The following AP1S3 variants were observed in gnomAD, a reference collection of about 807,000 sequenced individuals.
AP1S3 encodes AP-1 complex subunit sigma-3.
Under a neutral mutation model 20.9 loss-of-function variants are expected in AP1S3, and 10 were observed. The ratio of observed to expected loss-of-function variants is 0.48; its 90% CI spans 0.29 to 0.81. The LOEUF (loss-of-function observed/expected upper bound fraction) is 0.81. AP1S3 is among the 30% of genes least tolerant of loss of function. The probability of loss-of-function intolerance (pLI) is 0.08; values close to 1 mark genes in which losing one functional copy is unlikely to be tolerated. For synonymous variants in AP1S3, 41 were observed against 61.5 expected, an observed-to-expected ratio of 0.67 and a Z score of 1.56; for missense variants, 154 against 183.8, an observed-to-expected ratio of 0.84 and a Z score of 0.94.
intron 1 of AP1S3, among the ~76,000 whole-genome samples, chr2:223,830,068 T>C (rs979149038): frequency 1.3e-5 from 2 of 152,192 alleles, no homozygotes; most frequent in Non-Finnish European, 2.9e-5. Context: ...GAAAGGCAGG[T>C]GGCCTCATGA....
chr2:223,830,726 G>A (rs1162911607), intron 1 of AP1S3, among the ~76,000 whole-genome samples: 1 of 152,128 alleles, frequency 6.6e-6, no homozygotes, highest in African/African-American at 2.4e-5. Flanking sequence ...TCCTGTTAGA[G>A]AAGATCCAAC....
At chr2:223,802,318 T>C (rs976061490) in intron 1 of AP1S3, among the ~76,000 whole-genome samples, 1 of 151,920 alleles carries the variant, frequency 6.6e-6, no homozygotes, top group Non-Finnish European at 1.5e-5. Flanking sequence ...TTTTTTTTTT[T>C]TGGAGACAGA....
At position 223,820,399 on chromosome 2, in the gene AP1S3, G is replaced by A. The variant is rs57231063; in HGVS notation, c.3+17049C>T. 5.4e-3 allele frequency among the ~76,000 whole-genome samples: 823 copies of A among 151,668 alleles called. 8 individuals are homozygous for A. Among genetic ancestry groups the A allele is most frequent in the African/African-American group, 0.018 (729 of 41,394 alleles). On this transcript the variant is annotated intron_variant, in intron 1 of 4. Transcript: ENST00000396654. ...CCAGAATATTTTTTTTCAAAATGTC[G>A]AAGGCAAAGATGAGTTCAAGTTTTT... is the stretch of plus-strand genomic sequence containing the variant.
chr2:223,828,046 C>T (rs568200514), intron 1 of AP1S3, among the ~76,000 whole-genome samples: 2 of 97,398 alleles, frequency 2.1e-5, no homozygotes, highest in Admixed American at 1.2e-4. Flanking sequence ...GGTACAAGAG[C>T]AAGACTTCAT....
At chr2:223,802,340 T>C (rs2106111736) in intron 1 of AP1S3, among the ~76,000 whole-genome samples, 1 of 152,046 alleles carries the variant, frequency 6.6e-6, no homozygotes, top group African/African-American at 2.4e-5. Context: ...TCTCACTGTT[T>C]TGCCCAGGCT....
At chr2:223,813,053 C>A (rs978179560) in intron 1 of AP1S3, among the ~76,000 whole-genome samples, 2 of 151,982 alleles carry the variant, frequency 1.3e-5, no homozygotes, top group African/African-American at 4.8e-5. Flanking sequence ...CTCAGCCTCC[C>A]AAGTAGCTAG....
At chr2:223,816,119 T>G (rs1691838329) in intron 1 of AP1S3, among the ~76,000 whole-genome samples, 1 of 152,022 alleles carries the variant, frequency 6.6e-6, no homozygotes, top group Non-Finnish European at 1.5e-5. Context: ...AAATAGAAAG[T>G]CAAGTTCCTT....
At chr2:223,779,623 T>C (rs147378594) in intron 1 of AP1S3, among the ~76,000 whole-genome samples, 1,894 of 152,162 alleles carry the variant, frequency 0.012, 45 homozygotes, top group African/African-American at 0.043. Context: ...AAATTATATA[T>C]ACCAGGAACA....
intron 1 of AP1S3, among the ~76,000 whole-genome samples, chr2:223,820,632 C>G (rs1691964736): frequency 6.8e-6 from 1 of 146,642 alleles, no homozygotes; most frequent in African/African-American, 2.5e-5. Flanking sequence ...ATTCTATATA[C>G]CTAGGAAATG....
chr2:223,833,885 TA>T (rs1414337157), intron 1 of AP1S3, among the ~76,000 whole-genome samples: 2 of 51,396 alleles, frequency 3.9e-5, no homozygotes, highest in African/African-American at 2.3e-4. Context: ...ACACTCTTTT[TA>T]TTTATTTATT....
At position 223,835,130 on chromosome 2, in the gene AP1S3, T is replaced by C. The variant is rs566377343; in HGVS notation, c.3+2318A>G. Among the ~76,000 whole-genome samples the C allele has an allele frequency of 3.1e-4, 30 of 96,214 alleles. No individual in the cohort carries two copies. In the South Asian group the frequency reaches 8.3e-3, roughly 27 times the overall value. The allele number at this position is 96,214 out of a possible 152,430, so 63.1% of individuals were successfully genotyped here. A position where few individuals can be genotyped will look rare whatever the true frequency, so the allele number is the denominator to read the frequency against. ...TGCTGGGGGTACCCAGGTCACACTT[T>C]CAGAACCTCTGCCTTATGAGTTAGG... On this transcript the variant is annotated intron_variant, in intron 1 of 4. Transcript: ENST00000396654.
At chr2:223,818,973 T>C (rs1026588809) in intron 1 of AP1S3, among the ~76,000 whole-genome samples, 2 of 152,228 alleles carry the variant, frequency 1.3e-5, no homozygotes, top group African/African-American at 4.8e-5. Flanking sequence ...TTGATACTAT[T>C]TTAATTGCCA....
chr2:223,756,450 AAAG>A lies in AP1S3; in HGVS notation c.*2262_*2264del. ...GAAGAAGGAAGGAAGAAAGGAAGGAAAAGAAAGAAAGAAAGAAAAGAAAGAAAG... is the reference window on the plus strand; with the variant it reads ...GAAGAAGGAAGGAAGAAAGGAAGGAAAAAGAAAGAAAGAAAAGAAAGAAAG... On this transcript the variant is annotated 3_prime_UTR_variant, in exon 5 of 5. Coordinates refer to ENST00000396654, the MANE Select transcript of AP1S3 (RefSeq NM_001039569.2). The A allele has an allele frequency of 2.6e-6, 2 of 767,126 alleles. No homozygotes were observed. Among genetic ancestry groups the A allele is most frequent in the Non-Finnish European group, 3.2e-6 (2 of 634,152 alleles). The allele number at this position is 767,126 out of a possible 1,614,324, so 47.5% of individuals were successfully genotyped here. A position where few individuals can be genotyped will look rare whatever the true frequency, so the allele number is the denominator to read the frequency against.
intron 1 of AP1S3, among the ~76,000 whole-genome samples, chr2:223,806,963 A>T (rs1691597407): frequency 6.6e-6 from 1 of 152,110 alleles, no homozygotes; most frequent in African/African-American, 2.4e-5. Context: ...TTAATTAAAG[A>T]TTGCTAGAGA....
intron 1 of AP1S3, among the ~76,000 whole-genome samples, chr2:223,809,716 C>T (rs1218966852): frequency 1.3e-5 from 2 of 150,890 alleles, no homozygotes; most frequent in African/African-American, 4.9e-5. Context: ...TAAAATGCAC[C>T]GTTTCACCTT....
At chr2:223,832,115 T>A (rs1692278082) in intron 1 of AP1S3, among the ~76,000 whole-genome samples, 1 of 147,502 alleles carries the variant, frequency 6.8e-6, no homozygotes, top group Non-Finnish European at 1.5e-5. Flanking sequence ...ATTCTGGGGA[T>A]TATTAAAGGA....
chr2:223,806,145 A>G (rs918995184), intron 1 of AP1S3, among the ~76,000 whole-genome samples: 1 of 152,204 alleles, frequency 6.6e-6, no homozygotes, highest in Admixed American at 6.5e-5. Context: ...GTTCCAGTGC[A>G]GTAGATGACC....
chr2:223,756,449 AAAAGAAAG>A lies in AP1S3; in HGVS notation c.*2258_*2265del, dbSNP rs778670861. On this transcript the variant is annotated 3_prime_UTR_variant, in exon 5 of 5. Coordinates refer to ENST00000396654, the MANE Select transcript of AP1S3 (RefSeq NM_001039569.2). ...AGAAGAAGGAAGGAAGAAAGGAAGG[AAAAGAAAG>A]AAAGAAAGAAAAGAAAGAAAGAAAG... The A allele has an allele frequency of 9.9e-6, 8 of 810,728 alleles. No homozygotes were observed. Among genetic ancestry groups the A allele is most frequent in the Non-Finnish European group, 1.2e-5 (8 of 671,608 alleles). 50.2% of individuals were successfully genotyped at this position (810,728 alleles called of 1,614,324 possible).
chr2:223,811,410 A>C (rs1691723263), intron 1 of AP1S3, among the ~76,000 whole-genome samples: 1 of 152,028 alleles, frequency 6.6e-6, no homozygotes, highest in South Asian at 2.1e-4. Context: ...TCTACTAAAA[A>C]TACAAAAAAT....
Sources: gnomAD v4.1 joint callset for allele counts (sites outside exome capture counted in the v4.1 genomes callset) on GRCh38, gnomAD v4.1.1 for gene constraint, MANE v1.5 for transcripts, NCBI Gene and HGNC (gene_info 2026-07-23, HGNC 2026-07-21) for gene names.